Variants in ZSWIM9 observed in about 807,000 individuals in gnomAD.
The protein encoded by ZSWIM9 is uncharacterized protein ZSWIM9.
A neutral mutation model predicts 25.0 loss-of-function variants in ZSWIM9; 11 were observed. The ratio of observed to expected loss-of-function variants is 0.44; its 90% CI spans 0.28 to 0.73. The LOEUF (loss-of-function observed/expected upper bound fraction) is 0.73, where lower values mean the gene tolerates loss of function less well. ZSWIM9 is among the 30% of genes least tolerant of loss of function. The probability of loss-of-function intolerance (pLI) is 0.16; values close to 1 mark genes in which losing one functional copy is unlikely to be tolerated. For synonymous variants in ZSWIM9, 562 were observed against 582.1 expected (o/e 0.97, Z 0.50); for missense variants, 1,070 against 1,296.5 (o/e 0.83, Z 2.68).
intron 2 of ZSWIM9, 86 bp downstream of exon 2, chr19:48,172,163 ACCC>A (rs1179651821): frequency 7.6e-7 from 1 of 1,317,298 alleles, no homozygotes; most frequent in African/African-American, 1.5e-5. Context: ...AGAACACCCC[ACCC>A]AGAGATGCAG....
Position 48,182,286 on chromosome 19 carries a change from A to G in ZSWIM9, c.276-169A>G. The G allele has an allele frequency of 1.1e-5, 7 of 614,194 alleles. No homozygotes were observed. In the South Asian group the frequency reaches 1.4e-4, roughly 13 times the overall value. 38.0% of individuals were successfully genotyped at this position (614,194 alleles called of 1,614,324 possible). ...AACCTATGAGGAAACTGAGGCATAG[A>G]GACTTGAAGTGACTTGCCCCAGGTC... On this transcript the variant is annotated intron_variant, in intron 2 of 3. Coordinates refer to ENST00000614654, the MANE Select transcript of ZSWIM9 (RefSeq NM_199341.4). The surrounding 1 kb of genome is among the most constrained non-coding windows in gnomAD (Gnocchi z 4.6).
chr19:48,185,927 A>C (rs2037005982), intron 3 of ZSWIM9, among the ~76,000 whole-genome samples: 1 of 152,240 alleles, frequency 6.6e-6, no homozygotes, highest in South Asian at 2.1e-4. Flanking sequence ...CAGAGGTTGC[A>C]GTGAGCTGAG....
chr19:48,171,376 G>A (rs2036804337), intron 1 of ZSWIM9: 1 of 985,298 alleles, frequency 1.0e-6, no homozygotes. Flanking sequence ...ATGAATACGA[G>A]AGTTAGAAGT....
In ZSWIM9 at chr19:48,182,798, G is replaced by A. The variant is rs899669650; in HGVS notation, c.588+31G>A. The A allele has an allele frequency of 1.3e-6, 2 of 1,487,446 alleles. No individual in the cohort carries two copies. Among genetic ancestry groups the A allele is most frequent in the East Asian group, 2.5e-5 (1 of 40,338 alleles). 92.1% of individuals were successfully genotyped at this position (1,487,446 alleles called of 1,614,324 possible). ...GTCTCGAGAGAGGCAGGCCGGGGGAGGGGGCGGGGGAAAGCCGCGCTGAAG... is the reference window on the plus strand; with the variant it reads ...GTCTCGAGAGAGGCAGGCCGGGGGAAGGGGCGGGGGAAAGCCGCGCTGAAG... On this transcript the variant is annotated intron_variant, in intron 3 of 3. Transcript: ENST00000614654. The surrounding 1 kb of genome is among the most constrained non-coding windows in gnomAD (Gnocchi z 4.6).
intron 3 of ZSWIM9, chr19:48,186,634 T>G (rs2037014960): frequency 6.5e-6 from 1 of 154,858 alleles, no homozygotes; most frequent in South Asian, 2.0e-4. Context: ...CTTTATACGT[T>G]GGGGAGTGCC....
chr19:48,183,831 C>T (rs11083920), intron 3 of ZSWIM9, among the ~76,000 whole-genome samples: 7 of 143,606 alleles, frequency 4.9e-5, no homozygotes, highest in Admixed American at 7.0e-5. Context: ...AGATGTTTGG[C>T]GGGGGGGGGT....
chr19:48,192,311 G>A (rs1009452358), intron 3 of ZSWIM9, among the ~76,000 whole-genome samples: 5 of 149,864 alleles, frequency 3.3e-5, no homozygotes, highest in Admixed American at 6.7e-5. Flanking sequence ...TTAGCCAGGC[G>A]TGGTGGCGGG....
chr19:48,174,550 A>T (rs1167181928), intron 2 of ZSWIM9: 1 of 152,230 alleles, frequency 6.6e-6, no homozygotes. Context: ...GGGAGACATA[A>T]TAGTGTCTAT....
At chr19:48,187,981 T>TAGACAGACAGACAGACAGACAGAC (rs1271571462) in intron 3 of ZSWIM9, among the ~76,000 whole-genome samples, 10 of 147,556 alleles carry the variant, frequency 6.8e-5, no homozygotes, top group African/African-American at 2.6e-4. Flanking sequence ...GATAGATAGA[T>TAGACAGACAGACAGACAGACAGAC]AGATAGACAG....
intron 3 of ZSWIM9, chr19:48,187,908 T>G (rs1238906803): frequency 2.0e-5 from 3 of 150,304 alleles, no homozygotes; most frequent in African/African-American, 7.5e-5. Flanking sequence ...ACCACTGTAC[T>G]CCAGCCTTGA....
At chr19:48,190,712 C>T (rs2037083799) in intron 3 of ZSWIM9, 1 of 152,988 alleles carries the variant, frequency 6.5e-6, no homozygotes. Context: ...TCAAGGGCCG[C>T]CCAAAGCCCT....
Position 48,196,882 on chromosome 19 carries a change from G to T in ZSWIM9, c.*55G>T. 8.0e-7 allele frequency: 1 copy of T among 1,246,712 alleles called. No homozygotes were observed. The highest frequency in any genetic ancestry group is 1.0e-6 in the Non-Finnish European group (1 of 996,408). The allele number at this position is 1,246,712 out of a possible 1,614,324, so 77.2% of individuals were successfully genotyped here. A position where few individuals can be genotyped will look rare whatever the true frequency, so the allele number is the denominator to read the frequency against. ...CCAGGAGGGTCGGAGGGCATTCTTC[G>T]ATCCCAAAGATAATAGGGCTGAGGC... On this transcript the variant is annotated 3_prime_UTR_variant, in exon 4 of 4. Transcript: ENST00000614654.
In ZSWIM9 at chr19:48,170,993, G is replaced by A. The variant is rs566481113; in HGVS notation, c.-10+279G>A. 1.4e-4 allele frequency among the ~76,000 whole-genome samples: 22 copies of A among 152,240 alleles called. No individual in the cohort carries two copies. In the East Asian group the frequency reaches 3.9e-3, roughly 27 times the overall value. On this transcript the variant is annotated intron_variant, in intron 1 of 3. Coordinates refer to ENST00000614654, the MANE Select transcript of ZSWIM9 (RefSeq NM_199341.4). ...AACTGGGAGGAGGGGCCCACAGCTG[G>A]ACTGGGGGCCGCATCTGAGGAGGAG...
rs1210728296 is a variant in ZSWIM9 at position 48,192,474 on chromosome 19, A to ATGTATGT, written c.589-2179_589-2178insTGTATGT. Among the ~76,000 whole-genome samples the ATGTATGT allele has an allele frequency of 3.3e-4, 8 of 23,946 alleles. 2 individuals carry two copies. Among genetic ancestry groups the ATGTATGT allele is most frequent in the Non-Finnish European group, 6.7e-4 (8 of 11,928 alleles). The allele number at this position is 23,946 out of a possible 152,430, so 15.7% of individuals were successfully genotyped here. On this transcript the variant is annotated intron_variant, in intron 3 of 3. Transcript: ENST00000614654. The stretch of plus-strand genomic sequence containing the variant: ...CAAAAAAAAAAAAAAAAAAAAAAAA[A>ATGTATGT]AAAAAAATATATATATATATATATA...
chr19:48,171,777 T>G lies in ZSWIM9; in HGVS notation c.-9-17T>G. On this transcript the variant is annotated splice_polypyrimidine_tract_variant and intron_variant, in intron 1 of 3. Transcript: ENST00000614654. ...GAATGGGTCTGATATCCACCTGTTC[T>G]CCCCTCCTCCACGCAGGCCCCCAGG... 6.6e-7 allele frequency: 1 copy of G among 1,520,656 alleles called. No homozygotes were observed. The highest frequency in any genetic ancestry group is 8.8e-7 in the Non-Finnish European group (1 of 1,139,322). The allele number at this position is 1,520,656 out of a possible 1,614,324, so 94.2% of individuals were successfully genotyped here.
At chr19:48,192,084 A>G (rs897146537) in intron 3 of ZSWIM9, 1 of 154,360 alleles carries the variant, frequency 6.5e-6, no homozygotes, top group African/African-American at 2.4e-5. Flanking sequence ...AAACTACTTC[A>G]TGTGTGCTTT....
At chr19:48,190,051 A>C (rs544212600) in intron 3 of ZSWIM9, among the ~76,000 whole-genome samples, 1 of 152,030 alleles carries the variant, frequency 6.6e-6, no homozygotes, top group Non-Finnish European at 1.5e-5. Flanking sequence ...AAAAATACAT[A>C]AATTAGCCAG....
At position 48,196,413 on chromosome 19, in the gene ZSWIM9, G is replaced by A. The variant is rs2037166187; in HGVS notation, c.2349G>A (p.Ala783=). The change falls in exon 4 of 4, where the codon GCG becomes GCA. Residue 783 remains alanine, a synonymous_variant. Coordinates refer to ENST00000614654, the MANE Select transcript of ZSWIM9 (RefSeq NM_199341.4). The part of the protein sequence containing the change: ...TVLEGSPEWA[A]ARSEHLAAGD... ...TGGAAGGCAGCCCAGAATGGGCAGCGGCGAGGAGTGAACACCTGGCTGCAG... is the reference window on the plus strand; with the variant it reads ...TGGAAGGCAGCCCAGAATGGGCAGCAGCGAGGAGTGAACACCTGGCTGCAG... 1.6e-6 allele frequency: 2 copies of A among 1,232,342 alleles called. No homozygotes were observed. The highest frequency in any genetic ancestry group is 1.6e-5 in the African/African-American group (1 of 64,376). 76.3% of individuals were successfully genotyped at this position (1,232,342 alleles called of 1,614,324 possible).
At position 48,182,368 on chromosome 19, in the gene ZSWIM9, T is replaced by C. The variant is rs2036956094; in HGVS notation, c.276-87T>C. 5.5e-6 allele frequency: 6 copies of C among 1,092,256 alleles called. No homozygotes were observed. The highest frequency in any genetic ancestry group is 7.5e-6 in the Non-Finnish European group (6 of 804,190). 67.7% of individuals were successfully genotyped at this position (1,092,256 alleles called of 1,614,324 possible). ...TCTTCTCTATGCCTGAAACAATTCT[T>C]AGTTTAAAAAAAAAAAAAAGGTGAG... On this transcript the variant is annotated intron_variant, in intron 2 of 3. Transcript: ENST00000614654. This position sits in a 1 kb window ranked among gnomAD's most constrained non-coding sequence, Gnocchi z 4.6.
Sources: gnomAD v4.1 joint callset for allele counts (sites outside exome capture counted in the v4.1 genomes callset) on GRCh38, gnomAD v4.1.1 for gene constraint, Gnocchi (gnomAD v3.1) non-coding constraint, MANE v1.5 for transcripts, NCBI Gene and HGNC (gene_info 2026-07-23, HGNC 2026-07-21) for gene names.